The following PI4KA variants were observed in gnomAD, a reference collection of about 807,000 sequenced individuals.
PI4KA encodes the protein phosphatidylinositol 4-kinase alpha.
In PI4KA, 122 loss-of-function variants were observed where a neutral mutation model predicts 271.4. The ratio of observed to expected loss-of-function variants is 0.45; its 90% confidence interval spans 0.39 to 0.52. The LOEUF (loss-of-function observed/expected upper bound fraction) is 0.52. PI4KA is among the 20% of genes least tolerant of loss of function. The pLI is 0.00. For synonymous variants in PI4KA, 1,041 were observed against 1,078.8 expected, an observed-to-expected ratio of 0.96 and a Z score of 0.69; for missense variants, 1,969 against 2,769.1, an observed-to-expected ratio of 0.71 and a Z score of 6.48.
chr22:20,779,666 T>C (rs748496833), intron 19 of PI4KA: 5 of 1,614,068 alleles, frequency 3.1e-6, no homozygotes, highest in South Asian at 2.2e-5. Context: ...AGCTTTTTCA[T>C]GGCAAGAGCC....
At chr22:20,813,715 T>C (rs1921371305) in intron 7 of PI4KA, among the ~76,000 whole-genome samples, 1 of 152,254 alleles carries the variant, frequency 6.6e-6, no homozygotes, top group African/African-American at 2.4e-5. Context: ...GGTCAAAGAC[T>C]CAGATATGAT....
In PI4KA at chr22:20,802,078, A is replaced by G; in HGVS notation, c.1619T>C (p.Val540Ala). The G allele has an allele frequency of 6.2e-7, 1 of 1,614,036 alleles. No homozygotes were observed. Among genetic ancestry groups the G allele is most frequent in the Non-Finnish European group, 8.5e-7 (1 of 1,179,924 alleles). The part of the protein sequence containing the change: ...TVAGNDIKIS[V>A]TNEHSESTLN... ...GGTTGACTCGGAATGCTCATTGGTCACACTGATTTTTATATCATTGCCAGC... is the reference window on the plus strand; with the variant it reads ...GGTTGACTCGGAATGCTCATTGGTCGCACTGATTTTTATATCATTGCCAGC... The change falls in exon 14 of 55, where the codon GTG becomes GCG. Residue 540 changes from valine to alanine, a missense_variant. By Grantham distance (64) the Val-to-Ala change is moderately conservative. Around this residue, in one of 13 missense-constraint regions of PI4KA, gnomAD observed 228 missense variants for 261.6 expected, o/e 0.87. Transcript: ENST00000255882.
chr22:20,738,423 A>G (rs1928989152), intron 32 of PI4KA, among the ~76,000 whole-genome samples: 1 of 152,224 alleles, frequency 6.6e-6, no homozygotes, highest in African/African-American at 2.4e-5. Context: ...AGTATCATAC[A>G]AGGATCATGA....
At chr22:20,778,183 A>G (rs986255858) in intron 19 of PI4KA, among the ~76,000 whole-genome samples, 1 of 152,098 alleles carries the variant, frequency 6.6e-6, no homozygotes, top group Non-Finnish European at 1.5e-5. Flanking sequence ...TCAGCACTAG[A>G]CAAGTTCCAA....
Position 20,802,010 on chromosome 22 carries a change from C to G in PI4KA, c.1687G>C (p.Glu563Gln). The G allele has an allele frequency of 1.2e-6, 2 of 1,614,144 alleles. No homozygotes were observed. The highest frequency in any genetic ancestry group is 1.7e-5 in the Admixed American group (1 of 60,016). Reference sequence around the variant, plus strand: ...TCAATAGCGATGTCTCGGAGCTGCTCGTACATGGAGGGCTGGCTCTTCTTA... The same window carrying G: ...TCAATAGCGATGTCTCGGAGCTGCTGGTACATGGAGGGCTGGCTCTTCTTA... The part of the protein sequence containing the change: ...SGKKSQPSMY[E>Q]QLRDIAIDNI... The change falls in exon 14 of 55, where the codon GAG becomes CAG. Residue 563 changes from glutamate (E) to glutamine (Q), a missense_variant. Transcript: ENST00000255882.
At position 20,707,916 on chromosome 22, in the gene PI4KA, G is replaced by C; in HGVS notation, c.*131C>G. The C allele has an allele frequency of 2.4e-6, 2 of 844,238 alleles. No homozygotes were observed. Among genetic ancestry groups the C allele is most frequent in the Middle Eastern group, 3.4e-4 (1 of 2,944 alleles). The allele number at this position is 844,238 out of a possible 1,614,324, so 52.3% of individuals were successfully genotyped here. On this transcript the variant is annotated 3_prime_UTR_variant, in exon 55 of 55. Coordinates refer to ENST00000255882, the MANE Select transcript of PI4KA (RefSeq NM_058004.4). ...CCACCCACGTGCTGCCCCAGGAGGCGCTACCAGGTTCTTTGGGCCACAGGC... is the reference window on the plus strand; with the variant it reads ...CCACCCACGTGCTGCCCCAGGAGGCCCTACCAGGTTCTTTGGGCCACAGGC...
chr22:20,725,739 T>A, intron 42 of PI4KA: 1 of 299,482 alleles, frequency 3.3e-6, no homozygotes, highest in South Asian at 2.9e-5. Context: ...CTACAAAAAA[T>A]ACAAAAATTA....
intron 1 of PI4KA, among the ~76,000 whole-genome samples, chr22:20,858,271 G>A (rs1247637200): frequency 6.6e-6 from 1 of 151,996 alleles, no homozygotes; most frequent in East Asian, 1.9e-4. Flanking sequence ...CTCCACCTCC[G>A]CGATGTCACA....
intron 19 of PI4KA, among the ~76,000 whole-genome samples, chr22:20,789,558 G>A (rs917439416): frequency 6.6e-6 from 1 of 152,196 alleles, no homozygotes; most frequent in Admixed American, 6.5e-5. Context: ...TCGAACTCCT[G>A]ACCTCAGGTG....
rs1355144460 is a variant in PI4KA, at chr22:20,719,301, C to T, written c.5117-479G>A. 2.6e-5 allele frequency among the ~76,000 whole-genome samples: 4 copies of T among 151,774 alleles called. No individual in the cohort carries two copies. The South Asian group carries it at 6.3e-4, about 24-fold the overall frequency. ...GGGCGGGGCTCTATATTAAATAGTGCCTCTCACTATTCAAATCCCAGGCTG... is the reference window on the plus strand; with the variant it reads ...GGGCGGGGCTCTATATTAAATAGTGTCTCTCACTATTCAAATCCCAGGCTG... On this transcript the variant is annotated intron_variant, in intron 43 of 54. Transcript: ENST00000255882.
In PI4KA at chr22:20,765,199, T is replaced by C. The variant is rs751446811; in HGVS notation, c.2475A>G (p.Glu825=). Residue 825 remains glutamate (E), a synonymous_variant, in exon 21 of 55, where the codon GAA becomes GAG. Coordinates refer to ENST00000255882, the MANE Select transcript of PI4KA (RefSeq NM_058004.4). ...TGAGCAAGGGGGACTTAGTGGCTAT[T>C]TCACAGACCCCCTCGTACCATTCTT... The part of the protein sequence containing the change: ...WPEEWYEGVC[E]IATKSPLLTF... 2 of 1,613,824 alleles carry C rather than the reference T, an allele frequency of 1.2e-6. No individual in the cohort carries two copies. Among genetic ancestry groups the C allele is most frequent in the South Asian group, 2.2e-5 (2 of 91,040 alleles).
intron 19 of PI4KA, among the ~76,000 whole-genome samples, chr22:20,777,128 C>T (rs1018656762): frequency 6.6e-6 from 1 of 151,950 alleles, no homozygotes; most frequent in Non-Finnish European, 1.5e-5. Context: ...TCACGGCTCA[C>T]TGCAGACTCA....
intron 19 of PI4KA, among the ~76,000 whole-genome samples, chr22:20,790,695 AACAAACAC>A (rs1166550892): frequency 1.6e-4 from 15 of 92,476 alleles, no homozygotes; most frequent in African/African-American, 1.6e-4. Context: ...ATTTAAAAAA[AACAAACAC>A]ACACACACAC....
At chr22:20,741,308 T>G (rs1210238555) in intron 32 of PI4KA, among the ~76,000 whole-genome samples, 3 of 152,152 alleles carry the variant, frequency 2.0e-5, no homozygotes, top group African/African-American at 4.8e-5. Flanking sequence ...TGTAATGATG[T>G]CCACCATGCA....
At chr22:20,816,144 T>C (rs1315580321) in intron 7 of PI4KA, among the ~76,000 whole-genome samples, 2 of 152,156 alleles carry the variant, frequency 1.3e-5, no homozygotes, top group Admixed American at 1.3e-4. Context: ...TTTGCCATGT[T>C]GGCCAGGCTG....
chr22:20,714,599 GTGGGGGA>G (rs1182601215), intron 46 of PI4KA, 22 bp downstream of exon 46: 4 of 1,613,894 alleles, frequency 2.5e-6, no homozygotes, highest in Non-Finnish European at 3.4e-6. Flanking sequence ...ACGCGTGGAA[GTGGGGGA>G]TGGGTAGGGT....
chr22:20,754,883 G>A (rs1205032166), intron 23 of PI4KA, among the ~76,000 whole-genome samples: 1 of 152,214 alleles, frequency 6.6e-6, no homozygotes, highest in Non-Finnish European at 1.5e-5. Flanking sequence ...AGGAGACAGA[G>A]GTTGCAGTGA....
chr22:20,850,040 T>C (rs1056977883), intron 1 of PI4KA, among the ~76,000 whole-genome samples: 1 of 152,156 alleles, frequency 6.6e-6, no homozygotes, highest in Non-Finnish European at 1.5e-5. Context: ...TGACCTAAAA[T>C]TGATCATGGT....
In PI4KA at chr22:20,819,725, G is replaced by A. The variant is rs893681437; in HGVS notation, c.705C>T (p.Arg235=). Residue 235 remains arginine, a synonymous_variant, in exon 6 of 55, where the codon CGC becomes CGT. Coordinates refer to ENST00000255882, the MANE Select transcript of PI4KA (RefSeq NM_058004.4). Reference sequence around the variant, plus strand: ...TCAGCAGATTGCTGGGGAGGATGGAGCGGAAGTCATTAAAGGAACGCCTTC... The same window carrying A: ...TCAGCAGATTGCTGGGGAGGATGGAACGGAAGTCATTAAAGGAACGCCTTC... The part of the protein sequence containing the change: ...GVRRRSFNDF[R]SILPSNLLTV... 4 of 1,613,968 alleles carry A rather than the reference G, an allele frequency of 2.5e-6. No homozygotes were observed. The highest frequency in any genetic ancestry group is 1.7e-5 in the Admixed American group (1 of 60,020).
Sources: allele counts gnomAD v4.1 joint callset (sites outside exome capture counted in the v4.1 genomes callset), GRCh38; gene constraint gnomAD v4.1.1; regional missense constraint gnomAD v4.1.1; transcripts MANE v1.5; gene names NCBI Gene and HGNC (gene_info 2026-07-23, HGNC 2026-07-21).